SUSD4: variants seen among roughly 807,000 people sequenced by gnomAD.
SUSD4 encodes sushi domain containing 4.
In SUSD4, 41 loss-of-function variants were observed where a neutral mutation model predicts 50.5. The ratio of observed to expected loss-of-function variants is 0.81; its 90% CI spans 0.63 to 1.05. The LOEUF (loss-of-function observed/expected upper bound fraction) is 1.05, where lower values mean the gene tolerates loss of function less well. Among genes scored for constraint, SUSD4 ranks in the 50% least tolerant of loss-of-function variants. The probability of loss-of-function intolerance (pLI) is 0.00; values close to 1 mark genes in which losing one functional copy is unlikely to be tolerated. For synonymous variants in SUSD4, 257 were observed against 257.3 expected, an observed-to-expected ratio of 1.00 and a Z score of 0.01; for missense variants, 580 against 634.7, an observed-to-expected ratio of 0.91 and a Z score of 0.93.
intron 5 of SUSD4, chr1:223,263,505 C>T (rs867600625): frequency 1.0e-6 from 1 of 976,634 alleles, no homozygotes; most frequent in Non-Finnish European, 1.2e-6. Context: ...GCTCCAATTC[C>T]CTGGGGGATT....
intron 5 of SUSD4, among the ~76,000 whole-genome samples, chr1:223,248,641 C>A (rs712860): frequency 1.1e-3 from 165 of 147,770 alleles, no homozygotes; most frequent in Non-Finnish European, 1.9e-3. Flanking sequence ...AGCCAATGAT[C>A]ATGAGGCTGG....
intron 2 of SUSD4, among the ~76,000 whole-genome samples, chr1:223,336,646 T>C (rs1454626416): frequency 1.3e-5 from 2 of 152,224 alleles, no homozygotes; most frequent in Non-Finnish European, 2.9e-5. Context: ...TGGACTTGTA[T>C]GAACTGGCTT....
At chr1:223,281,664 G>T (rs1303402741) in intron 3 of SUSD4, among the ~76,000 whole-genome samples, 1 of 152,146 alleles carries the variant, frequency 6.6e-6, no homozygotes, top group African/African-American at 2.4e-5. Context: ...GAGGTACAAG[G>T]AGGAGCTGGT....
In SUSD4 at chr1:223,223,235, G is replaced by A. The variant is rs1659248367; in HGVS notation, c.1444+14C>T. 4 of 1,518,380 alleles carry A rather than the reference G, an allele frequency of 2.6e-6. No individual in the cohort carries two copies. The highest frequency in any genetic ancestry group is 2.1e-5 in the Admixed American group (1 of 47,960). The allele number at this position is 1,518,380 out of a possible 1,614,324, so 94.1% of individuals were successfully genotyped here. ...GTTTGCAGGTGTGGCTTGGGCCCTG[G>A]GGCAAGCACTTACCATCTGCAATGT... On this transcript the variant is annotated intron_variant, in intron 8 of 8. Transcript: ENST00000366878.
intron 5 of SUSD4, chr1:223,264,160 C>T: frequency 2.0e-6 from 2 of 985,356 alleles, no homozygotes; most frequent in Non-Finnish European, 2.4e-6. Context: ...TTAATAAAAA[C>T]AGGGAGGAAA....
At chr1:223,230,654 C>G (rs1234376090) in intron 5 of SUSD4, 1 of 152,240 alleles carries the variant, frequency 6.6e-6, no homozygotes, top group African/African-American at 2.4e-5. Context: ...CAGGCACTCT[C>G]TAGTCCTTCA....
chr1:223,237,465 C>T (rs913647043), intron 5 of SUSD4, among the ~76,000 whole-genome samples: 5 of 151,912 alleles, frequency 3.3e-5, no homozygotes, highest in African/African-American at 9.7e-5. Context: ...CTTCATTAAG[C>T]GTGATGTTAG....
chr1:223,276,450 GTT>G, intron 3 of SUSD4, among the ~76,000 whole-genome samples: 1 of 152,320 alleles, frequency 6.6e-6, no homozygotes, highest in East Asian at 1.9e-4. Flanking sequence ...TGGGGGCTTG[GTT>G]GCACAGGCTT....
chr1:223,244,386 G>A (rs1660782243), intron 5 of SUSD4, among the ~76,000 whole-genome samples: 1 of 152,230 alleles, frequency 6.6e-6, no homozygotes, highest in Non-Finnish European at 1.5e-5. Flanking sequence ...CCAGACACAA[G>A]AGGAGGCCAG....
chr1:223,250,650 T>C (rs1661240574), intron 5 of SUSD4, among the ~76,000 whole-genome samples: 1 of 152,094 alleles, frequency 6.6e-6, no homozygotes. Flanking sequence ...AGAGCAACGA[T>C]TTCATTATCT....
intron 3 of SUSD4, among the ~76,000 whole-genome samples, chr1:223,284,847 C>G (rs893141837): frequency 6.6e-6 from 1 of 152,008 alleles, no homozygotes; most frequent in Admixed American, 6.6e-5. Context: ...AGAAAAGAGG[C>G]TACTAGAGGC....
chr1:223,301,033 G>T (rs904187194), intron 2 of SUSD4, among the ~76,000 whole-genome samples: 1 of 152,142 alleles, frequency 6.6e-6, no homozygotes, highest in Non-Finnish European at 1.5e-5. Context: ...AAACTCTGAG[G>T]CTTCTGACTT....
chr1:223,271,502 C>G (rs994970828), intron 3 of SUSD4, among the ~76,000 whole-genome samples: 1 of 152,080 alleles, frequency 6.6e-6, no homozygotes, highest in Non-Finnish European at 1.5e-5. Flanking sequence ...GGGAGTGATG[C>G]CAGGCCAATT....
chr1:223,301,548 C>T (rs1278830659), intron 2 of SUSD4, among the ~76,000 whole-genome samples: 1 of 152,160 alleles, frequency 6.6e-6, no homozygotes, highest in East Asian at 1.9e-4. Flanking sequence ...CTTCTTGACC[C>T]ACTTAAGAGC....
At position 223,337,676 on chromosome 1, in the gene SUSD4, C is replaced by T. The variant is rs114322253; in HGVS notation, c.148+25602G>A. Among the ~76,000 whole-genome samples the T allele has an allele frequency of 6.3e-3, 957 of 152,318 alleles. 7 individuals are homozygous for T. The highest frequency in any genetic ancestry group is 0.022 in the African/African-American group (907 of 41,552). On this transcript the variant is annotated intron_variant, in intron 2 of 8. Coordinates refer to ENST00000366878, the MANE Select transcript of SUSD4 (RefSeq NM_017982.4). The stretch of plus-strand genomic sequence containing the variant: ...TGAGCTGTGTACCAAATCGTCAGGA[C>T]ACATTGTCCCCTCCCTCACCTGTGC...
At chr1:223,258,336 C>T (rs1661845617) in intron 5 of SUSD4, among the ~76,000 whole-genome samples, 1 of 152,188 alleles carries the variant, frequency 6.6e-6, no homozygotes, top group Non-Finnish European at 1.5e-5. Context: ...TCACATTTGG[C>T]CAAACAAGGT....
At chr1:223,259,540 A>G (rs748397793) in intron 5 of SUSD4, among the ~76,000 whole-genome samples, 28 of 152,326 alleles carry the variant, frequency 1.8e-4, no homozygotes, top group Admixed American at 9.2e-4. Context: ...AGAAATTTCT[A>G]TAACTGGATA....
chr1:223,351,152 A>C (rs1668341901), intron 2 of SUSD4, among the ~76,000 whole-genome samples: 1 of 152,264 alleles, frequency 6.6e-6, no homozygotes, highest in Admixed American at 6.5e-5. Flanking sequence ...GGCTTGCCCC[A>C]CATATAAAGC....
intron 5 of SUSD4, among the ~76,000 whole-genome samples, chr1:223,230,026 C>T (rs1410661854): frequency 6.6e-6 from 1 of 152,208 alleles, no homozygotes; most frequent in African/African-American, 2.4e-5. Context: ...GATCCCTTAA[C>T]CTCTTTGAGC....
Sources: gnomAD v4.1 joint callset for allele counts (sites outside exome capture counted in the v4.1 genomes callset) on GRCh38, gnomAD v4.1.1 for gene constraint, MANE v1.5 for transcripts, NCBI Gene and HGNC (gene_info 2026-07-23, HGNC 2026-07-21) for gene names.